The following NCKAP5 variants were observed in gnomAD, a reference collection of about 807,000 sequenced individuals.
NCKAP5 encodes NCK associated protein 5, also known as nck-associated protein 5.
A neutral mutation model predicts 167.0 loss-of-function variants in NCKAP5; 92 were observed. That is an observed-to-expected ratio of 0.55 (90% CI 0.47 to 0.66). NCKAP5 has a LOEUF of 0.66. Among genes scored for constraint, NCKAP5 ranks in the 30% least tolerant of loss-of-function variants. The pLI is 0.00. For synonymous variants in NCKAP5, 891 were observed against 877.4 expected (o/e 1.02, Z -0.27); for missense variants, 2,378 against 2,315.0 (o/e 1.03, Z -0.56).
At chr2:132,911,050 C>A (rs554137223) in intron 8 of NCKAP5, 1 of 194,242 alleles carries the variant, frequency 5.1e-6, no homozygotes, top group Admixed American at 4.9e-5. Flanking sequence ...ACCACCCATT[C>A]GGTAGAGAGA....
chr2:133,146,384 T>C (rs573645251), intron 5 of NCKAP5, among the ~76,000 whole-genome samples: 38 of 152,196 alleles, frequency 2.5e-4, no homozygotes, highest in Middle Eastern at 3.4e-3. Context: ...ACGATGACTT[T>C]GTGTTTCATG....
chr2:132,954,567 T>A (rs1469325005), intron 8 of NCKAP5: 1 of 434,486 alleles, frequency 2.3e-6, no homozygotes, highest in Non-Finnish European at 4.6e-6. Flanking sequence ...ATTAAATAAA[T>A]GGCACTCAGT....
chr2:132,825,730 T>C (rs1574341898), intron 11 of NCKAP5, among the ~76,000 whole-genome samples: 1 of 152,226 alleles, frequency 6.6e-6, no homozygotes, highest in Non-Finnish European at 1.5e-5. Flanking sequence ...TACTGTGAGA[T>C]GGGAGGAGCT....
intron 8 of NCKAP5, among the ~76,000 whole-genome samples, chr2:132,956,021 G>A (rs1000088767): frequency 2.0e-5 from 3 of 151,954 alleles, no homozygotes; most frequent in African/African-American, 7.2e-5. Flanking sequence ...CAGACAGGGT[G>A]GTCAAAGGGT....
chr2:132,795,774 G>A (rs1382355960), intron 12 of NCKAP5, among the ~76,000 whole-genome samples: 18 of 142,876 alleles, frequency 1.3e-4, no homozygotes, highest in Admixed American at 3.7e-4. Context: ...AGCTGAGATC[G>A]CGCCATTGCA....
intron 6 of NCKAP5, among the ~76,000 whole-genome samples, chr2:133,054,085 C>A (rs558647190): frequency 6.6e-6 from 1 of 152,266 alleles, no homozygotes; most frequent in East Asian, 1.9e-4. Context: ...AAAGGCAAGT[C>A]AGAGGCTGGT....
intron 5 of NCKAP5, among the ~76,000 whole-genome samples, chr2:133,195,514 T>C (rs1431159645): frequency 6.6e-6 from 1 of 152,146 alleles, no homozygotes; most frequent in African/African-American, 2.4e-5. Context: ...AAAAGGTATT[T>C]GGATGAAAGT....
At chr2:133,648,671 A>T in the NCKAP5 span, among the ~76,000 whole-genome samples, 2 of 152,100 alleles carry the variant, frequency 1.3e-5, no homozygotes. Context: ...AAGAAATTAA[A>T]ACAAAAATTA....
At chr2:132,757,837 ATAGCTGAC>A (rs1196048102) in intron 16 of NCKAP5, among the ~76,000 whole-genome samples, 1 of 152,244 alleles carries the variant, frequency 6.6e-6, no homozygotes, top group East Asian at 1.9e-4. Context: ...TGGAACCAAT[ATAGCTGAC>A]TAGAATCTGC....
chr2:132,995,619 C>G (rs753951573), intron 6 of NCKAP5, among the ~76,000 whole-genome samples: 31 of 150,804 alleles, frequency 2.1e-4, no homozygotes, highest in Non-Finnish European at 3.8e-4. Context: ...CCACCGCACT[C>G]CAGCCTGGGC....
chr2:133,382,017 T>C (rs1193917138), intron 3 of NCKAP5, among the ~76,000 whole-genome samples: 1 of 152,186 alleles, frequency 6.6e-6, no homozygotes, highest in Non-Finnish European at 1.5e-5. Context: ...ATTTAACACA[T>C]GCAAAATCAA....
chr2:133,470,555 G>C (rs1238010218), intron 3 of NCKAP5, among the ~76,000 whole-genome samples: 1 of 152,232 alleles, frequency 6.6e-6, no homozygotes, highest in Admixed American at 6.5e-5. Flanking sequence ...CGAGCTTCCT[G>C]GCTGCTTTGT....
chr2:133,388,347 G>A (rs1195194334), intron 3 of NCKAP5, among the ~76,000 whole-genome samples: 3 of 152,208 alleles, frequency 2.0e-5, no homozygotes, highest in Non-Finnish European at 2.9e-5. Flanking sequence ...GGAGGATGCA[G>A]AACAGCAAAT....
the NCKAP5 span, among the ~76,000 whole-genome samples, chr2:133,629,454 G>A: frequency 6.6e-6 from 1 of 152,076 alleles, no homozygotes; most frequent in Non-Finnish European, 1.5e-5. Flanking sequence ...CAGTCAGAAT[G>A]GTGATTATTA....
intron 3 of NCKAP5, among the ~76,000 whole-genome samples, chr2:133,313,221 G>C (rs1681370763): frequency 1.3e-5 from 2 of 152,104 alleles, no homozygotes; most frequent in Non-Finnish European, 2.9e-5. Context: ...AATCTGGCTA[G>C]ATGCAAAGCC....
chr2:133,190,755 T>C (rs1423921143), intron 5 of NCKAP5, among the ~76,000 whole-genome samples: 4 of 152,138 alleles, frequency 2.6e-5, no homozygotes. Context: ...CCTTACACCT[T>C]ATACAAAAAT....
chr2:132,752,597 A>G (rs1330172907), intron 16 of NCKAP5, among the ~76,000 whole-genome samples: 2 of 152,248 alleles, frequency 1.3e-5, no homozygotes, highest in Non-Finnish European at 2.9e-5. Context: ...TGAAGCAAAC[A>G]TGGAAAGATG....
chr2:133,154,028 G>C (rs1282339025), intron 5 of NCKAP5, among the ~76,000 whole-genome samples: 2 of 151,876 alleles, frequency 1.3e-5, no homozygotes, highest in African/African-American at 4.8e-5. Flanking sequence ...TTTTAGTAGA[G>C]ACGGGGTTTT....
chr2:132,920,771 G>GTATGTATGTATGTGTGTGTATATATA (rs1553479343), intron 8 of NCKAP5, among the ~76,000 whole-genome samples: 3 of 31,570 alleles, frequency 9.5e-5, no homozygotes, highest in African/African-American at 3.3e-4. Context: ...ATATATGTAT[G>GTATGTATGTATGTGTGTGTATATATA]TATATATATA....
Sources: allele counts gnomAD v4.1 joint callset (sites outside exome capture counted in the v4.1 genomes callset), GRCh38; gene constraint gnomAD v4.1.1; transcripts MANE v1.5; gene names NCBI Gene and HGNC (gene_info 2026-07-23, HGNC 2026-07-21).